FAAP20: variants seen among roughly 807,000 people sequenced by gnomAD.
The protein encoded by FAAP20 is FA core complex associated protein 20, also known as Fanconi anemia core complex-associated protein 20.
A neutral mutation model predicts 16.2 loss-of-function variants in FAAP20; 12 were observed. That is an observed-to-expected ratio of 0.74 (90% CI 0.48 to 1.20). The LOEUF is 1.20. Among genes scored for constraint, FAAP20 ranks in the 50% most tolerant of loss-of-function variants. The probability of loss-of-function intolerance (pLI) is 0.00; values close to 1 mark genes in which losing one functional copy is unlikely to be tolerated. For missense variants in FAAP20, 288 were observed against 245.8 expected (o/e 1.17, Z -1.15); for synonymous variants, 141 against 110.7 (o/e 1.27, Z -1.72).
upstream of FAAP20, chr1:2,204,031 C>A (rs1689144846): frequency 6.6e-6 from 1 of 152,298 alleles, no homozygotes; most frequent in Non-Finnish European, 1.5e-5. Flanking sequence ...GCAGCCCCTC[C>A]AGCCTGGGAG....
intron 3 of FAAP20, chr1:2,193,013 T>C: frequency 1.5e-6 from 2 of 1,303,366 alleles, no homozygotes; most frequent in South Asian, 1.2e-5. Flanking sequence ...CTGAAGGACC[T>C]GGTCTCCATA....
intron 3 of FAAP20, chr1:2,192,180 AG>A: frequency 1.0e-6 from 1 of 985,786 alleles, no homozygotes; most frequent in Non-Finnish European, 1.2e-6. Context: ...CAGGAGTCCC[AG>A]GGCATCCCAG....
downstream of FAAP20, among the ~76,000 whole-genome samples, chr1:2,188,157 G>A (rs1194285850): frequency 3.3e-5 from 5 of 152,206 alleles, no homozygotes; most frequent in South Asian, 1.0e-3. Context: ...ACGGGGGTCA[G>A]AGCTGAGCCC....
At chr1:2,187,188 C>T (rs1040703656), downstream of FAAP20, 1 of 471,332 alleles carries the variant, frequency 2.1e-6, no homozygotes, top group Non-Finnish European at 4.4e-6. Flanking sequence ...CATTCAAAGT[C>T]TTGCACATCC....
At chr1:2,185,936 C>T (rs548436097), downstream of FAAP20, 52 of 336,940 alleles carry the variant, frequency 1.5e-4, no homozygotes, top group African/African-American at 9.9e-4. Flanking sequence ...CCCAGAAACA[C>T]AGGCACTCTT....
upstream of FAAP20, chr1:2,199,029 C>A (rs1377971692): frequency 1.6e-6 from 2 of 1,242,470 alleles, no homozygotes; most frequent in African/African-American, 1.5e-5. The surrounding 1 kb of genome is among the most constrained non-coding windows in gnomAD (Gnocchi z 4.5). Context: ...CCCTTGGGCA[C>A]CGACAGCCTC....
downstream of FAAP20, among the ~76,000 whole-genome samples, chr1:2,210,067 C>T (rs1466140003): frequency 1.3e-5 from 2 of 152,302 alleles, no homozygotes; most frequent in East Asian, 1.9e-4. Flanking sequence ...GGAAAAGGCC[C>T]TGCCTAGTGC....
upstream of FAAP20, chr1:2,198,650 C>G: frequency 2.5e-6 from 3 of 1,205,866 alleles, no homozygotes; most frequent in South Asian, 4.4e-5. Flanking sequence ...GACCTGTGGC[C>G]GACAGGCACC....
rs1688505275 is a variant in FAAP20 at position 2,193,652 on chromosome 1, CCTT to C, written c.454_456del (p.Lys152del). 2.5e-6 allele frequency: 4 copies of C among 1,598,434 alleles called. No homozygotes were observed. The African/African-American group carries it at 4.1e-5, about 16-fold the overall frequency. On this transcript the variant is annotated inframe_deletion, in exon 3 of 4. Coordinates refer to ENST00000378546, the MANE Select transcript of FAAP20 (RefSeq NM_182533.4). The stretch of plus-strand genomic sequence containing the variant: ...TGGCCTACTCACCTGGGGGCGAACT[CCTT>C]CTGGCACATGGGGCAGCTGCGCAGG...
At chr1:2,205,151 C>A (rs12758072) in intron 3 of FAAP20, among the ~76,000 whole-genome samples, 337 of 28,424 alleles carry the variant, frequency 0.012, 9 homozygotes, top group South Asian at 0.041. Context: ...AATCCCCGCC[C>A]CTCCCCCGGG....
chr1:2,185,254 G>A (rs373583033), downstream of FAAP20: 20 of 714,398 alleles, frequency 2.8e-5, no homozygotes, highest in Middle Eastern at 4.6e-4. Flanking sequence ...CGGCGGATCC[G>A]CGGGGACCCT....
At chr1:2,187,127 C>T (rs937554693), downstream of FAAP20, 46 of 467,630 alleles carry the variant, frequency 9.8e-5, no homozygotes, top group Admixed American at 9.8e-4. Context: ...CCATGGAGCC[C>T]GTGGCTGGCC....
upstream of FAAP20, chr1:2,198,804 G>A (rs964329449): frequency 1.1e-5 from 14 of 1,289,558 alleles, no homozygotes; most frequent in African/African-American, 1.5e-5. Flanking sequence ...ACGCAGCCAG[G>A]AACTGGGCTG....
intron 3 of FAAP20, chr1:2,192,963 G>A (rs1470288901): frequency 7.7e-6 from 10 of 1,304,022 alleles, no homozygotes; most frequent in Non-Finnish European, 1.0e-5. Flanking sequence ...GCATTCCCGA[G>A]CTGTTTTTGC....
chr1:2,211,674 C>T (rs1164394900), downstream of FAAP20, among the ~76,000 whole-genome samples: 1 of 151,108 alleles, frequency 6.6e-6, no homozygotes, highest in Non-Finnish European at 1.5e-5. Context: ...TGGTCTCCAT[C>T]TCCTGGCCTT....
upstream of FAAP20, chr1:2,199,456 T>C (rs974545722): frequency 2.0e-6 from 2 of 995,716 alleles, no homozygotes; most frequent in African/African-American, 3.5e-5. The surrounding 1 kb of genome is among the most constrained non-coding windows in gnomAD (Gnocchi z 4.5). Flanking sequence ...TGCTGGGAAA[T>C]TGTGAGCTCA....
chr1:2,208,478 G>A (rs879876867), downstream of FAAP20, among the ~76,000 whole-genome samples: 3 of 152,164 alleles, frequency 2.0e-5, no homozygotes, highest in African/African-American at 4.8e-5. Context: ...ACAAGAGCCC[G>A]CAGGGCAGTG....
At chr1:2,207,953 T>C (rs1689325010), downstream of FAAP20, among the ~76,000 whole-genome samples, 1 of 138,268 alleles carries the variant, frequency 7.2e-6, no homozygotes, top group African/African-American at 2.8e-5. Context: ...TGTGTGTGTG[T>C]GTCCGTGCGC....
chr1:2,189,068 G>A (rs2100635146), downstream of FAAP20, among the ~76,000 whole-genome samples: 1 of 149,180 alleles, frequency 6.7e-6, no homozygotes, highest in East Asian at 2.0e-4. Flanking sequence ...GCTGGCTCAC[G>A]CCTGTAATCC....
Sources: allele counts gnomAD v4.1 joint callset (sites outside exome capture counted in the v4.1 genomes callset), GRCh38; gene constraint gnomAD v4.1.1; non-coding constraint Gnocchi (gnomAD v3.1); transcripts MANE v1.5; gene names NCBI Gene and HGNC (gene_info 2026-07-23, HGNC 2026-07-21).